FBN2: variants seen among roughly 807,000 people sequenced by gnomAD.
The protein encoded by FBN2 is fibrillin-2.
A neutral mutation model predicts 355.6 loss-of-function variants in FBN2; 105 were observed. The ratio of observed to expected loss-of-function variants is 0.30; its 90% CI spans 0.25 to 0.35. FBN2 has a LOEUF of 0.35. FBN2 is among the 10% of genes least tolerant of loss of function. The pLI is 1.00. For missense variants in FBN2, 3,280 were observed against 3,758.7 expected (o/e 0.87, Z 3.33); for synonymous variants, 1,350 against 1,301.2 (o/e 1.04, Z -0.81).
chr5:128,336,244 G>C (rs534010850), intron 27 of FBN2, 131 bp from the exon 28 acceptor site: 2 of 878,386 alleles, frequency 2.3e-6, no homozygotes, highest in Admixed American at 1.7e-5. Flanking sequence ...TGTTCTCCTG[G>C]GGGATTGAAA....
intron 5 of FBN2, among the ~76,000 whole-genome samples, chr5:128,502,144 C>T (rs552367051): frequency 1.3e-5 from 2 of 148,332 alleles, no homozygotes; most frequent in Non-Finnish European, 3.0e-5. Flanking sequence ...TGCCAGAAAA[C>T]AATTGGATCC....
At chr5:128,522,088 CAA>C (rs1756448069) in intron 4 of FBN2, among the ~76,000 whole-genome samples, 1 of 151,966 alleles carries the variant, frequency 6.6e-6, no homozygotes, top group Non-Finnish European at 1.5e-5. Context: ...CTCATATAAA[CAA>C]AAGACATTTG....
intron 11 of FBN2, among the ~76,000 whole-genome samples, chr5:128,384,171 A>T (rs968834752): frequency 6.6e-6 from 1 of 152,160 alleles, no homozygotes; most frequent in Admixed American, 6.6e-5. Flanking sequence ...GCTGAGTAAA[A>T]GAAATCAGAC....
chr5:128,291,506 A>G (rs374583146), intron 49 of FBN2, 23 bp downstream of exon 49: 9 of 1,613,326 alleles, frequency 5.6e-6, no homozygotes, highest in Middle Eastern at 1.6e-4. Flanking sequence ...GAACTGTGAC[A>G]GTGAAGTCAT....
intron 8 of FBN2, among the ~76,000 whole-genome samples, chr5:128,395,561 C>A (rs909140880): frequency 2.6e-5 from 4 of 152,280 alleles, no homozygotes; most frequent in African/African-American, 9.6e-5. Context: ...CCTGGAGATG[C>A]GCACTGTTGT....
Position 128,369,331 on chromosome 5 carries a change from G to A in FBN2, c.2099C>T (p.Thr700Ile), listed in dbSNP as rs773667668. The A allele has an allele frequency of 2.7e-5, 43 of 1,613,922 alleles. No individual in the cohort carries two copies. The highest frequency in any genetic ancestry group is 3.5e-5 in the Non-Finnish European group (41 of 1,179,972). Residue 700 changes from threonine to isoleucine, a missense_variant, in exon 16 of 65, where the codon ACT becomes ATT. This residue lies in a region of FBN2 where 2,284 missense variants were observed against 2,749.5 expected (regional missense o/e 0.83). Coordinates refer to ENST00000262464, the MANE Select transcript of FBN2 (RefSeq NM_001999.4). Reference protein sequence around the residue: ...VGMDGRVCVDTHMRSTCYGGI... With the variant: ...VGMDGRVCVDIHMRSTCYGGI... ...TCCATAGCAGGTACTGCGCATGTGA[G>A]TATCTAAAGGAGATACAAAAACAAT...
At chr5:128,367,796 T>G (rs1389149439) in intron 16 of FBN2, among the ~76,000 whole-genome samples, 1 of 152,156 alleles carries the variant, frequency 6.6e-6, no homozygotes, top group Non-Finnish European at 1.5e-5. Flanking sequence ...CTTATGCCAA[T>G]TTTTGAACTT....
chr5:128,517,336 AT>A (rs1475246257), intron 5 of FBN2, among the ~76,000 whole-genome samples: 1 of 152,178 alleles, frequency 6.6e-6, no homozygotes, highest in Non-Finnish European at 1.5e-5. Context: ...ACCAATTATG[AT>A]TATGTTTGAA....
At chr5:128,318,820 TA>T in intron 35 of FBN2, 58 bp downstream of exon 35, 1 of 1,574,436 alleles carries the variant, frequency 6.4e-7, no homozygotes, top group East Asian at 2.3e-5. Flanking sequence ...TTTTTATGCT[TA>T]GCACAGAATA....
intron 7 of FBN2, among the ~76,000 whole-genome samples, chr5:128,435,846 C>G (rs1753756355): frequency 6.6e-6 from 1 of 152,132 alleles, no homozygotes. Flanking sequence ...CCAAAGATTA[C>G]CTTTTGCTGA....
chr5:128,288,419 T>G lies in FBN2; in HGVS notation c.6757+19A>C. ...TTCTATGTCAAGAAGAAATAATATT[T>G]AAGACAAAGATCACTTGCCTTCACA... On this transcript the variant is annotated intron_variant, in intron 53 of 64. Transcript: ENST00000262464. 4 of 1,613,112 alleles carry G rather than the reference T, an allele frequency of 2.5e-6. No homozygotes were observed. The highest frequency in any genetic ancestry group is 3.4e-6 in the Non-Finnish European group (4 of 1,179,272).
chr5:128,471,108 T>C (rs1426098348), intron 5 of FBN2, among the ~76,000 whole-genome samples: 2 of 152,148 alleles, frequency 1.3e-5, no homozygotes, highest in East Asian at 1.9e-4. Context: ...AAAGTGATCA[T>C]CTTGTATGGG....
At chr5:128,359,692 G>C (rs1751589141) in intron 19 of FBN2, among the ~76,000 whole-genome samples, 2 of 152,082 alleles carry the variant, frequency 1.3e-5, no homozygotes, top group Non-Finnish European at 2.9e-5. Flanking sequence ...CTTGTAATAA[G>C]TGAAGATCAC....
chr5:128,287,509 T>G, intron 53 of FBN2, 79 bp from the exon 54 acceptor site: 1 of 1,522,390 alleles, frequency 6.6e-7, no homozygotes, highest in Non-Finnish European at 9.1e-7. Flanking sequence ...TGTCATTTAC[T>G]TGGCGGTCAT....
chr5:128,350,486 G>A (rs976562461), intron 21 of FBN2, among the ~76,000 whole-genome samples: 1 of 152,188 alleles, frequency 6.6e-6, no homozygotes, highest in Non-Finnish European at 1.5e-5. Flanking sequence ...GGGAGGTGGA[G>A]GTTGCAATGA....
chr5:128,394,128 G>A lies in FBN2; in HGVS notation c.1232-760C>T, dbSNP rs554672757. On this transcript the variant is annotated intron_variant, in intron 9 of 64. Transcript: ENST00000262464. ...TAGAGATTTTGTAAGAATGATTAAT[G>A]TGTCATGATATCTTTTCTGTTAACA... 9.2e-5 allele frequency among the ~76,000 whole-genome samples: 14 copies of A among 152,228 alleles called. No individual in the cohort carries two copies. In the East Asian group the frequency reaches 2.7e-3, roughly 29 times the overall value.
chr5:128,384,763 C>T (rs774074502), intron 11 of FBN2, among the ~76,000 whole-genome samples: 21 of 151,944 alleles, frequency 1.4e-4, no homozygotes, highest in African/African-American at 4.3e-4. Context: ...CTTGGGAAAA[C>T]CAAGGCTCTA....
intron 6 of FBN2, among the ~76,000 whole-genome samples, chr5:128,450,578 G>A (rs760354663): frequency 6.6e-6 from 1 of 151,966 alleles, no homozygotes; most frequent in Non-Finnish European, 1.5e-5. Context: ...AATGCTTATA[G>A]TACAAAAAGA....
chr5:128,512,512 C>CAAAAAA (rs1158661549), intron 5 of FBN2, among the ~76,000 whole-genome samples: 1 of 60,678 alleles, frequency 1.6e-5, no homozygotes, highest in Non-Finnish European at 3.1e-5. Context: ...GAACCCGTCT[C>CAAAAAA]AAAAAAAAAA....
Sources: gnomAD v4.1 joint callset for allele counts (sites outside exome capture counted in the v4.1 genomes callset) on GRCh38, gnomAD v4.1.1 for gene constraint, gnomAD v4.1.1 regional missense constraint, MANE v1.5 for transcripts, NCBI Gene and HGNC (gene_info 2026-07-23, HGNC 2026-07-21) for gene names.